ZNF443: variants seen among roughly 807,000 people sequenced by gnomAD.
ZNF443 encodes the protein Kruppel-type zinc finger (C2H2).
A neutral mutation model predicts 12.0 loss-of-function variants in ZNF443; 3 were observed. The observed-to-expected ratio is 0.25, with a 90% confidence interval of 0.11 to 0.64. ZNF443 has a LOEUF of 0.64. ZNF443 is among the 30% of genes least tolerant of loss of function. The pLI is 0.84. For synonymous variants in ZNF443, 225 were observed against 265.9 expected (o/e 0.85, Z 1.50); for missense variants, 770 against 808.8 (o/e 0.95, Z 0.58).
chr19:12,436,279 G>C (rs1399366255), intron 1 of ZNF443, among the ~76,000 whole-genome samples: 3 of 145,274 alleles, frequency 2.1e-5, no homozygotes, highest in Non-Finnish European at 4.5e-5. Flanking sequence ...CCAGGAGTTT[G>C]AGACCAGCCT....
In ZNF443 at chr19:12,441,006, G is replaced by A; in HGVS notation, c.-92C>T. ...ACAAAGGCTGCCTCAGAACTTCCAG[G>A]TCGTCTCTCAGCTACAGAACCCAGA... On this transcript the variant is annotated 5_prime_UTR_variant, in exon 1 of 4. Transcript: ENST00000301547. 2 of 1,608,426 alleles carry A rather than the reference G, an allele frequency of 1.2e-6. No homozygotes were observed. The highest frequency in any genetic ancestry group is 1.7e-6 in the Non-Finnish European group (2 of 1,176,934).
chr19:12,438,141 T>C (rs1168766078), intron 1 of ZNF443, among the ~76,000 whole-genome samples: 1 of 151,872 alleles, frequency 6.6e-6, no homozygotes, highest in Non-Finnish European at 1.5e-5. Flanking sequence ...GTGGGGGCAT[T>C]GGCCTCAGGC....
At chr19:12,440,401 G>A (rs953095529) in intron 1 of ZNF443, among the ~76,000 whole-genome samples, 2 of 152,142 alleles carry the variant, frequency 1.3e-5, no homozygotes, top group African/African-American at 2.4e-5. Context: ...CCAGGTTGAA[G>A]ACCCCACGAG....
rs2144946410 is a variant in ZNF443, at chr19:12,430,543, A to G, written c.1629T>C (p.His543=). The stretch of plus-strand genomic sequence containing the variant: ...TTTCATGTACCTTTAAGTTATCATA[A>G]TGACCGAAGGCTTTCCTACATGTTT... ...ECKTCRKAFG[H]YDNLKVHERI... is the part of the protein sequence containing the mutation. The change falls in exon 4 of 4, where the codon CAT becomes CAC. Residue 543 remains histidine (H), a synonymous_variant. Transcript: ENST00000301547. 1 of 1,614,140 alleles carries G rather than the reference A, an allele frequency of 6.2e-7. No homozygotes were observed. Among genetic ancestry groups the G allele is most frequent in the East Asian group, 2.2e-5 (1 of 44,874 alleles).
chr19:12,434,442 A>G (rs1237514273), intron 1 of ZNF443, among the ~76,000 whole-genome samples: 1 of 152,214 alleles, frequency 6.6e-6, no homozygotes, highest in Non-Finnish European at 1.5e-5. Flanking sequence ...AGTAATGCCA[A>G]AAGGAGAAGG....
intron 1 of ZNF443, among the ~76,000 whole-genome samples, chr19:12,439,679 G>C (rs1319092045): frequency 2.0e-5 from 3 of 152,136 alleles, no homozygotes; most frequent in African/African-American, 7.2e-5. Flanking sequence ...TTACACTAGA[G>C]ACAAAGTCTT....
rs563908480 is a variant in ZNF443 at position 12,440,986 on chromosome 19, G to C, written c.-72C>G. 141 of 1,612,572 alleles carry C rather than the reference G, an allele frequency of 8.7e-5. 1 individual carries two copies. The highest frequency in any genetic ancestry group is 6.6e-4 in the Middle Eastern group (4 of 6,058). ...CCAATGCGTGTTCCAGCCAGACAAA[G>C]GCTGCCTCAGAACTTCCAGGTCGTC... On this transcript the variant is annotated 5_prime_UTR_variant, in exon 1 of 4. Transcript: ENST00000301547.
rs149134494 is a variant in ZNF443 at position 12,430,468 on chromosome 19, T to C, written c.1704A>G (p.Ala568=). The C allele has an allele frequency of 1.2e-6, 2 of 1,614,098 alleles. No individual in the cohort carries two copies. The highest frequency in any genetic ancestry group is 2.2e-5 in the South Asian group (2 of 91,078). The change falls in exon 4 of 4, where the codon GCA becomes GCG. Residue 568 remains alanine (A), a synonymous_variant. Transcript: ENST00000301547. The part of the protein sequence containing the change: ...KPYECKECGK[A]FSWLTCFLRH... ...GTAGAAAGCAAGTGAGCCAAGAGAA[T>C]GCTTTCCCACATTCCTTACATTCAT...
intron 1 of ZNF443, among the ~76,000 whole-genome samples, chr19:12,437,700 A>T (rs1970327756): frequency 6.6e-6 from 1 of 151,932 alleles, no homozygotes; most frequent in South Asian, 2.1e-4. Flanking sequence ...CAAGAAAACT[A>T]TTTTTTTTAT....
Position 12,436,975 on chromosome 19 carries a change from A to C in ZNF443, c.4-3778T>G, listed in dbSNP as rs188321544. 3.0e-4 allele frequency among the ~76,000 whole-genome samples: 46 copies of C among 151,584 alleles called. No individual in the cohort carries two copies. The Middle Eastern group carries it at 0.027, about 90-fold the overall frequency. ...GATGTTAAATTGGGCAGGAGGGAGG[A>C]ATGCTGAACACTGGGTTATATGAGC... On this transcript the variant is annotated intron_variant, in intron 1 of 3. Coordinates refer to ENST00000301547, the MANE Select transcript of ZNF443 (RefSeq NM_005815.5).
At chr19:12,432,648 G>A (rs1403546980) in intron 2 of ZNF443, among the ~76,000 whole-genome samples, 4 of 139,782 alleles carry the variant, frequency 2.9e-5, no homozygotes, top group Non-Finnish European at 6.1e-5. Context: ...ACTAAGACCA[G>A]CCCCTCCTCT....
rs778431606 is a variant in ZNF443, at chr19:12,430,673, C to G, written c.1499G>C (p.Gly500Ala). Reference sequence around the variant, plus strand: ...TTCCTTACACTCATATGGCTTCTCTCCAGTGTGAGTTGTTTTGTGATTTTG... The same window carrying G: ...TTCCTTACACTCATATGGCTTCTCTGCAGTGTGAGTTGTTTTGTGATTTTG... ...SFQNHKTTHT[G>A]EKPYECKECG... is the part of the protein sequence containing the mutation. Residue 500 changes from glycine (G) to alanine (A), a missense_variant, in exon 4 of 4, where the codon GGA becomes GCA. Gly to Ala is a moderately conservative substitution (Grantham distance 60). Coordinates refer to ENST00000301547, the MANE Select transcript of ZNF443 (RefSeq NM_005815.5). The G allele has an allele frequency of 4.3e-6, 7 of 1,613,966 alleles. No individual in the cohort carries two copies. Among genetic ancestry groups the G allele is most frequent in the Non-Finnish European group, 5.1e-6 (6 of 1,179,984 alleles).
In ZNF443 at chr19:12,432,255, A is replaced by T. The variant is rs908179528; in HGVS notation, c.191+122T>A. The T allele has an allele frequency of 3.3e-6, 3 of 904,158 alleles. No individual in the cohort carries two copies. The African/African-American group carries it at 5.3e-5, about 16-fold the overall frequency. The allele number at this position is 904,158 out of a possible 1,614,324, so 56.0% of individuals were successfully genotyped here. On this transcript the variant is annotated intron_variant, in intron 3 of 3. Transcript: ENST00000301547. Reference sequence around the variant, plus strand: ...ACATTTAAGTATATATTTTGGAGAAAATTTTCTAAGAATAAATAAATTTAA... The same window carrying T: ...ACATTTAAGTATATATTTTGGAGAATATTTTCTAAGAATAAATAAATTTAA...
intron 1 of ZNF443, among the ~76,000 whole-genome samples, chr19:12,439,028 A>G (rs1231777726): frequency 1.3e-5 from 2 of 152,184 alleles, no homozygotes; most frequent in African/African-American, 4.8e-5. Context: ...CAATCAGTGC[A>G]GGTCATCCTA....
In ZNF443 at chr19:12,430,709, A is replaced by G; in HGVS notation, c.1463T>C (p.Phe488Ser). The G allele has an allele frequency of 1.2e-6, 2 of 1,613,134 alleles. No homozygotes were observed. Among genetic ancestry groups the G allele is most frequent in the Non-Finnish European group, 8.5e-7 (1 of 1,179,368 alleles). Residue 488 changes from phenylalanine to serine, a missense_variant, in exon 4 of 4, where the codon TTC (phenylalanine) becomes TCC (serine). Coordinates refer to ENST00000301547, the MANE Select transcript of ZNF443 (RefSeq NM_005815.5). ...TGTTTTGTGATTTTGAAAGGAACAG[A>G]AATCAATACAGGCTTTCCCAAGTTT... ...KCKLGKACID[F>S]CSFQNHKTTH...
rs2144962796 is a variant in ZNF443, at chr19:12,441,011, C to CT, written c.-98dup. On this transcript the variant is annotated 5_prime_UTR_variant, in exon 1 of 4. Coordinates refer to ENST00000301547, the MANE Select transcript of ZNF443 (RefSeq NM_005815.5). The stretch of plus-strand genomic sequence containing the variant: ...GGCTGCCTCAGAACTTCCAGGTCGT[C>CT]TCTCAGCTACAGAACCCAGAGCCGA... The CT allele has an allele frequency of 6.2e-7, 1 of 1,605,626 alleles. No individual in the cohort carries two copies. Among genetic ancestry groups the CT allele is most frequent in the South Asian group, 1.1e-5 (1 of 90,168 alleles).
In ZNF443 at chr19:12,431,883, G is replaced by T. The variant is rs1191248159; in HGVS notation, c.289C>A (p.Leu97Ile). 10 of 1,614,084 alleles carry T rather than the reference G, an allele frequency of 6.2e-6. No homozygotes were observed. The highest frequency in any genetic ancestry group is 1.1e-5 in the South Asian group (1 of 91,066). Reference protein sequence around the residue: ...IQDSIVTKNTLPGVGPCESSM... With the variant: ...IQDSIVTKNTIPGVGPCESSM... ...CTTTCACAAGGACCTACTCCAGGAA[G>T]AGTGTTCTTGGTCACAATACTATCT... The change falls in exon 4 of 4, where the codon CTT (leucine) becomes ATT (isoleucine). Residue 97 changes from leucine (L) to isoleucine (I), a missense_variant. Leu to Ile is a conservative substitution (Grantham distance 5). This residue lies in a region of ZNF443 where 736 missense variants were observed against 689.4 expected (regional missense o/e 1.07). Transcript: ENST00000301547.
Position 12,430,037 on chromosome 19 carries a change from T to G in ZNF443, c.*119A>C, listed in dbSNP as rs1461413546. ...GTACTGGAAAGAAACTGAAACTACT[T>G]AAGGCTTTACCAAGTGCTTACATTC... is the stretch of plus-strand genomic sequence containing the variant. On this transcript the variant is annotated 3_prime_UTR_variant, in exon 4 of 4. Transcript: ENST00000301547. The G allele has an allele frequency of 2.5e-6, 4 of 1,573,430 alleles. No homozygotes were observed. In the Admixed American group the frequency reaches 7.3e-5, roughly 29 times the overall value.
chr19:12,440,874 C>G (rs781126160), intron 1 of ZNF443, 38 bp downstream of exon 1: 58 of 1,613,806 alleles, frequency 3.6e-5, no homozygotes, highest in Middle Eastern at 1.6e-4. Context: ...TCCACCTAAC[C>G]CCTCCCCCGC....
Sources: allele counts gnomAD v4.1 joint callset (sites outside exome capture counted in the v4.1 genomes callset), GRCh38; gene constraint gnomAD v4.1.1; regional missense constraint gnomAD v4.1.1; transcripts MANE v1.5; gene names NCBI Gene and HGNC (gene_info 2026-07-23, HGNC 2026-07-21).